SNX4: variants seen among roughly 807,000 people sequenced by gnomAD.
The protein encoded by SNX4 is sorting nexin-4.
In SNX4, 49 loss-of-function variants were observed where a neutral mutation model predicts 70.8. The observed-to-expected ratio is 0.69, with a 90% CI of 0.55 to 0.88. SNX4 has a LOEUF of 0.88. Among genes scored for constraint, SNX4 ranks in the 40% least tolerant of loss-of-function variants. The probability of loss-of-function intolerance (pLI) is 0.00; values close to 1 mark genes in which losing one functional copy is unlikely to be tolerated. For synonymous variants in SNX4, 206 were observed against 183.8 expected (o/e 1.12, Z -0.98); for missense variants, 528 against 544.8 (o/e 0.97, Z 0.31).
intron 9 of SNX4, among the ~76,000 whole-genome samples, chr3:125,461,662 T>G (rs1239969699): frequency 1.3e-5 from 2 of 151,076 alleles, no homozygotes; most frequent in Admixed American, 1.3e-4. Flanking sequence ...TATTTTATAC[T>G]AATTTTTTTT....
intron 9 of SNX4, among the ~76,000 whole-genome samples, chr3:125,466,360 A>C (rs760104692): frequency 6.6e-6 from 1 of 151,506 alleles, no homozygotes; most frequent in Non-Finnish European, 1.5e-5. Context: ...AAAAAAAAAG[A>C]AAACCTAGTA....
intron 13 of SNX4, among the ~76,000 whole-genome samples, chr3:125,450,076 T>A (rs1340178048): frequency 2.0e-5 from 3 of 151,802 alleles, no homozygotes; most frequent in Admixed American, 6.6e-5. Flanking sequence ...AAGACCCCAT[T>A]TCAACAAAAA....
intron 5 of SNX4, among the ~76,000 whole-genome samples, chr3:125,492,414 T>C (rs1272646469): frequency 1.3e-5 from 2 of 152,030 alleles, no homozygotes; most frequent in African/African-American, 4.8e-5. Context: ...TTTATAACTG[T>C]TGTCCTAATC....
At chr3:125,490,591 A>T (rs1211239595) in intron 5 of SNX4, among the ~76,000 whole-genome samples, 1 of 151,876 alleles carries the variant, frequency 6.6e-6, no homozygotes, top group Non-Finnish European at 1.5e-5. Context: ...AACAAGCTAG[A>T]TTACAGCAAT....
intron 1 of SNX4, chr3:125,516,937 A>G (rs1470539701): frequency 6.6e-6 from 1 of 152,178 alleles, no homozygotes; most frequent in African/African-American, 2.4e-5. Context: ...ATAAATCAAC[A>G]CATCTTTCAA....
At position 125,460,760 on chromosome 3, in the gene SNX4, A is replaced by C; in HGVS notation, c.944+11T>G. ...CCCTGTGGCTGCACCTGGAACTTTTATTAAACTTACCGCAATGCTTCTGCA... is the reference window on the plus strand; with the variant it reads ...CCCTGTGGCTGCACCTGGAACTTTTCTTAAACTTACCGCAATGCTTCTGCA... On this transcript the variant is annotated intron_variant, in intron 10 of 13. Coordinates refer to ENST00000251775, the MANE Select transcript of SNX4 (RefSeq NM_003794.4). The C allele has an allele frequency of 6.9e-7, 1 of 1,443,756 alleles. No individual in the cohort carries two copies. The allele number at this position is 1,443,756 out of a possible 1,614,324, so 89.4% of individuals were successfully genotyped here.
In SNX4 at chr3:125,498,080, CACA is replaced by C. The variant is rs1323294859; in HGVS notation, c.375_377del (p.Val126del). 6.2e-7 allele frequency: 1 copy of C among 1,614,096 alleles called. No homozygotes were observed. The highest frequency in any genetic ancestry group is 8.5e-7 in the Non-Finnish European group (1 of 1,180,014). ...TTACCCGTTTTTCTGGCAGAGGTGG[CACA>C]ACAATATGTGGATAGTAAACTAAAA... On this transcript the variant is annotated inframe_deletion, in exon 3 of 14. Coordinates refer to ENST00000251775, the MANE Select transcript of SNX4 (RefSeq NM_003794.4).
chr3:125,467,310 C>T (rs1390557330), intron 9 of SNX4, among the ~76,000 whole-genome samples: 1 of 151,864 alleles, frequency 6.6e-6, no homozygotes, highest in Non-Finnish European at 1.5e-5. Flanking sequence ...TTGCTTGAAC[C>T]TGGGAGGCAG....
chr3:125,462,593 CAAAAAAAAAAA>C (rs34157775), intron 9 of SNX4, among the ~76,000 whole-genome samples: 1 of 48,274 alleles, frequency 2.1e-5, no homozygotes, highest in Non-Finnish European at 3.9e-5. Context: ...TCTGTCTCAC[CAAAAAAAAAAA>C]AAAAAAAAAA....
At chr3:125,461,828 A>AT (rs200614088) in intron 9 of SNX4, among the ~76,000 whole-genome samples, 5,719 of 151,994 alleles carry the variant, frequency 0.038, 242 homozygotes, top group African/African-American at 0.092. Flanking sequence ...CGCCCAGTTA[A>AT]TTTTTTGTAT....
At chr3:125,478,342 T>C (rs1934330764) in intron 7 of SNX4, among the ~76,000 whole-genome samples, 1 of 151,922 alleles carries the variant, frequency 6.6e-6, no homozygotes, top group Admixed American at 6.6e-5. Flanking sequence ...AGTGCTGGGA[T>C]TACAGGTACG....
chr3:125,464,604 A>T (rs1165504517), intron 9 of SNX4, among the ~76,000 whole-genome samples: 1 of 114,434 alleles, frequency 8.7e-6, no homozygotes. Flanking sequence ...ACACAGTCTC[A>T]CTCTCACCCA....
chr3:125,479,993 G>A (rs1934374563), intron 7 of SNX4, among the ~76,000 whole-genome samples: 1 of 151,928 alleles, frequency 6.6e-6, no homozygotes, highest in Non-Finnish European at 1.5e-5. Flanking sequence ...GCACTGAAAT[G>A]GCAGGCCTTT....
At chr3:125,476,342 C>T (rs1251878874) in intron 8 of SNX4, among the ~76,000 whole-genome samples, 2 of 149,474 alleles carry the variant, frequency 1.3e-5, no homozygotes, top group East Asian at 3.9e-4. Context: ...GAGGCCTAGG[C>T]AGGCAGATCA....
chr3:125,456,213 TTAAAGAA>T (rs1933710945), intron 11 of SNX4, among the ~76,000 whole-genome samples: 1 of 152,106 alleles, frequency 6.6e-6, no homozygotes, highest in Non-Finnish European at 1.5e-5. Context: ...ACTGTAAGCA[TTAAAGAA>T]TAAAGTACAT....
intron 1 of SNX4, chr3:125,517,080 G>A (rs1331770072): frequency 6.6e-6 from 1 of 151,870 alleles, no homozygotes; most frequent in African/African-American, 2.4e-5. Flanking sequence ...CACTTGACTA[G>A]TCTAAAAAAA....
rs1352410589 is a variant in SNX4, at chr3:125,447,777, G to C, written c.*2C>G. On this transcript the variant is annotated 3_prime_UTR_variant, in exon 14 of 14. Coordinates refer to ENST00000251775, the MANE Select transcript of SNX4 (RefSeq NM_003794.4). ...GATTGAAGAGAAATTCAATTCACAGGATTACATCTTGCTAAAGCATTCCTT... is the reference window on the plus strand; with the variant it reads ...GATTGAAGAGAAATTCAATTCACAGCATTACATCTTGCTAAAGCATTCCTT... The C allele has an allele frequency of 6.3e-7, 1 of 1,588,384 alleles. No homozygotes were observed. The highest frequency in any genetic ancestry group is 8.6e-7 in the Non-Finnish European group (1 of 1,168,794).
At chr3:125,464,766 A>T (rs1933968659) in intron 9 of SNX4, among the ~76,000 whole-genome samples, 2 of 151,640 alleles carry the variant, frequency 1.3e-5, no homozygotes, top group Non-Finnish European at 2.9e-5. Context: ...TTTTTGAGAC[A>T]AAGTCTTGCT....
At chr3:125,470,298 G>A (rs903021511) in intron 8 of SNX4, among the ~76,000 whole-genome samples, 6 of 151,838 alleles carry the variant, frequency 4.0e-5, no homozygotes, top group African/African-American at 9.7e-5. Context: ...AAAATAATTT[G>A]TTCTAAATGT....
Sources: gnomAD v4.1 joint callset for allele counts (sites outside exome capture counted in the v4.1 genomes callset) on GRCh38, gnomAD v4.1.1 for gene constraint, MANE v1.5 for transcripts, NCBI Gene and HGNC (gene_info 2026-07-23, HGNC 2026-07-21) for gene names.